OPCML: variants seen among roughly 807,000 people sequenced by gnomAD.
OPCML encodes the protein opioid-binding protein/cell adhesion molecule.
A neutral mutation model predicts 37.8 loss-of-function variants in OPCML; 13 were observed. That is an observed-to-expected ratio of 0.34 (90% confidence interval 0.22 to 0.55). OPCML has a LOEUF of 0.55. Among genes scored for constraint, OPCML ranks in the 20% least tolerant of loss-of-function variants. The pLI is 0.91. For synonymous variants in OPCML, 176 were observed against 168.8 expected (o/e 1.04, Z -0.33); for missense variants, 341 against 435.6 (o/e 0.78, Z 1.93).
At chr11:132,532,555 T>C (rs980772030) in intron 3 of OPCML, among the ~76,000 whole-genome samples, 5 of 152,142 alleles carry the variant, frequency 3.3e-5, no homozygotes, top group South Asian at 2.1e-4. Context: ...GGATCAAAAT[T>C]ACAGGGTTAG....
intron 1 of OPCML, among the ~76,000 whole-genome samples, chr11:133,285,103 A>T (rs189605841): frequency 6.6e-6 from 1 of 152,204 alleles, no homozygotes; most frequent in South Asian, 2.1e-4. Context: ...AGGAAGGGAA[A>T]TAAGGAGAAT....
In OPCML at chr11:132,944,744, C is replaced by A. The variant is rs149879932; in HGVS notation, c.62-1734G>T. ...TCTTTGGTCTCGGATTTGTCTCTTT[C>A]TGCTCTAAACCCCAGAGCTCCGCTT... On this transcript the variant is annotated intron_variant, in intron 1 of 7. Coordinates refer to ENST00000524381, the MANE Select transcript of OPCML (RefSeq NM_001012393.5). Among the ~76,000 whole-genome samples the A allele has an allele frequency of 1.2e-4, 18 of 152,302 alleles. No homozygotes were observed. The East Asian group carries it at 3.5e-3, about 29-fold the overall frequency.
intron 1 of OPCML, among the ~76,000 whole-genome samples, chr11:133,020,194 T>G (rs1947424161): frequency 6.6e-6 from 1 of 152,192 alleles, no homozygotes; most frequent in Non-Finnish European, 1.5e-5. Flanking sequence ...TGCTGGGTAT[T>G]CTACATAAAT....
At chr11:133,337,134 A>C (rs940309641) in intron 1 of OPCML, among the ~76,000 whole-genome samples, 1 of 152,218 alleles carries the variant, frequency 6.6e-6, no homozygotes, top group Non-Finnish European at 1.5e-5. Context: ...GGGTAAGTCT[A>C]TGCTATTTAG....
chr11:133,192,022 C>G (rs991487004), intron 1 of OPCML, among the ~76,000 whole-genome samples: 10 of 152,138 alleles, frequency 6.6e-5, no homozygotes, highest in Non-Finnish European at 1.2e-4. Context: ...AAGATAGATT[C>G]TTTCTAGATA....
At chr11:133,160,260 C>T (rs1950123530) in intron 1 of OPCML, among the ~76,000 whole-genome samples, 1 of 152,188 alleles carries the variant, frequency 6.6e-6, no homozygotes, top group Admixed American at 6.5e-5. Context: ...CAACCATTCC[C>T]ACAGCCTTGG....
At chr11:132,969,532 C>T (rs555730222) in intron 1 of OPCML, among the ~76,000 whole-genome samples, 27 of 152,162 alleles carry the variant, frequency 1.8e-4, no homozygotes, top group Non-Finnish European at 2.8e-4. Context: ...TCTGGGACCC[C>T]CCCTGCAACT....
chr11:132,760,062 A>C (rs1946205574), intron 2 of OPCML, among the ~76,000 whole-genome samples: 1 of 152,188 alleles, frequency 6.6e-6, no homozygotes. Context: ...TCTACCCAGT[A>C]GTCATTCAGG....
chr11:133,158,827 C>A (rs1592059491), intron 1 of OPCML, among the ~76,000 whole-genome samples: 1 of 152,130 alleles, frequency 6.6e-6, no homozygotes, highest in Middle Eastern at 3.4e-3. Flanking sequence ...TCCTGAAGAA[C>A]CCCTCTCAGG....
chr11:132,437,499 G>A lies in OPCML; in HGVS notation c.506-140C>T, dbSNP rs939579346. ...TAGGACATCAAGTCAAAGACATAGG[G>A]CATCATGTTGCTCAAAAGATACGGC... On this transcript the variant is annotated intron_variant, in intron 4 of 7. Coordinates refer to ENST00000524381, the MANE Select transcript of OPCML (RefSeq NM_001012393.5). 12 of 1,462,648 alleles carry A rather than the reference G, an allele frequency of 8.2e-6. No homozygotes were observed. The African/African-American group carries it at 1.6e-4, about 19-fold the overall frequency. The allele number at this position is 1,462,648 out of a possible 1,614,324, so 90.6% of individuals were successfully genotyped here.
chr11:133,320,533 C>G (rs553577531), intron 1 of OPCML, among the ~76,000 whole-genome samples: 3 of 152,172 alleles, frequency 2.0e-5, no homozygotes, highest in African/African-American at 7.2e-5. Flanking sequence ...GTGCTCAAAA[C>G]AGCATAAACA....
At chr11:132,778,598 T>A (rs1946886196) in intron 2 of OPCML, among the ~76,000 whole-genome samples, 1 of 152,244 alleles carries the variant, frequency 6.6e-6, no homozygotes, top group Non-Finnish European at 1.5e-5. Flanking sequence ...CTAGTAATTA[T>A]ATTCTTGTTG....
At chr11:132,807,173 A>C (rs1054382296) in intron 2 of OPCML, among the ~76,000 whole-genome samples, 2 of 152,198 alleles carry the variant, frequency 1.3e-5, no homozygotes, top group Non-Finnish European at 2.9e-5. Flanking sequence ...AACAAACATA[A>C]GAGCAAAACC....
intron 3 of OPCML, among the ~76,000 whole-genome samples, chr11:132,559,298 G>T (rs543031453): frequency 6.6e-6 from 1 of 152,100 alleles, no homozygotes; most frequent in Non-Finnish European, 1.5e-5. Context: ...AATGCTACAA[G>T]GTTATGGGTA....
chr11:133,409,243 C>T (rs149409569), intron 1 of OPCML, among the ~76,000 whole-genome samples: 228 of 152,284 alleles, frequency 1.5e-3, no homozygotes, highest in African/African-American at 4.7e-3. Flanking sequence ...TCAGACAGCG[C>T]GACTCCAGAG....
At chr11:133,301,230 T>A (rs1448236766) in intron 1 of OPCML, 2 of 152,170 alleles carry the variant, frequency 1.3e-5, no homozygotes, top group African/African-American at 4.8e-5. Flanking sequence ...CTTTGTTACA[T>A]CATCCATGGT....
intron 4 of OPCML, among the ~76,000 whole-genome samples, chr11:132,475,225 G>A (rs1394810479): frequency 2.0e-5 from 3 of 152,190 alleles, no homozygotes; most frequent in Non-Finnish European, 4.4e-5. Flanking sequence ...CCAGTTATTA[G>A]ATAGGCTTGC....
intron 3 of OPCML, among the ~76,000 whole-genome samples, chr11:132,594,389 A>C (rs1237650443): frequency 1.3e-5 from 2 of 152,192 alleles, no homozygotes; most frequent in African/African-American, 4.8e-5. Flanking sequence ...TTCTTAAGAT[A>C]TATGCATGAG....
At chr11:133,333,399 C>A (rs1943669899) in intron 1 of OPCML, among the ~76,000 whole-genome samples, 1 of 151,318 alleles carries the variant, frequency 6.6e-6, no homozygotes, top group Non-Finnish European at 1.5e-5. Flanking sequence ...AAAAAAAAAA[C>A]TCCCTATTCA....
Sources: allele counts gnomAD v4.1 joint callset (sites outside exome capture counted in the v4.1 genomes callset), GRCh38; gene constraint gnomAD v4.1.1; transcripts MANE v1.5; gene names NCBI Gene and HGNC (gene_info 2026-07-23, HGNC 2026-07-21).